Variants in SCHIP1 observed in about 807,000 individuals in gnomAD.
The protein encoded by SCHIP1 is schwannomin-interacting protein 1.
Under a neutral mutation model 29.7 loss-of-function variants are expected in SCHIP1, and 8 were observed. That is an observed-to-expected ratio of 0.27 (90% confidence interval 0.16 to 0.49). SCHIP1 has a LOEUF of 0.49. Among genes scored for constraint, SCHIP1 ranks in the 20% least tolerant of loss-of-function variants. The pLI, the probability that SCHIP1 is intolerant of heterozygous loss-of-function variation, is 0.99. For synonymous variants in SCHIP1, 76 were observed against 94.9 expected (o/e 0.80, Z 1.16); for missense variants, 193 against 294.6 (o/e 0.66, Z 2.52).
At chr3:159,660,047 C>G in the SCHIP1 span, among the ~76,000 whole-genome samples, 1 of 152,130 alleles carries the variant, frequency 6.6e-6, no homozygotes, top group Non-Finnish European at 1.5e-5. Flanking sequence ...CCTTCTGACT[C>G]TGGCAGCTGC....
chr3:159,463,510 G>A, the SCHIP1 span, among the ~76,000 whole-genome samples: 1 of 152,000 alleles, frequency 6.6e-6, no homozygotes, highest in African/African-American at 2.4e-5. Flanking sequence ...GTGTTCCCAG[G>A]GTCATACCAC....
At chr3:159,457,396 G>GTT in the SCHIP1 span, among the ~76,000 whole-genome samples, 295 of 144,954 alleles carry the variant, frequency 2.0e-3, 1 homozygote, top group African/African-American at 3.5e-3. Flanking sequence ...TGCTGTTTCT[G>GTT]TTTTTTTTTT....
the SCHIP1 span, among the ~76,000 whole-genome samples, chr3:159,296,048 C>A: frequency 2.0e-5 from 3 of 151,838 alleles, no homozygotes; most frequent in Non-Finnish European, 2.9e-5. Flanking sequence ...TGCCTCAAAC[C>A]TTAATTTCCA....
the SCHIP1 span, among the ~76,000 whole-genome samples, chr3:159,577,758 A>G: frequency 2.6e-5 from 4 of 152,184 alleles, no homozygotes; most frequent in Non-Finnish European, 5.9e-5. Context: ...TTTGCAGGTG[A>G]TTATAGCAGT....
At chr3:159,827,545 C>T in the SCHIP1 span, among the ~76,000 whole-genome samples, 2 of 152,086 alleles carry the variant, frequency 1.3e-5, no homozygotes, top group Non-Finnish European at 2.9e-5. Context: ...AAAATAGAAG[C>T]CTGTAATCCC....
At chr3:159,586,803 A>C in the SCHIP1 span, among the ~76,000 whole-genome samples, 1 of 152,176 alleles carries the variant, frequency 6.6e-6, no homozygotes, top group African/African-American at 2.4e-5. Context: ...AAGTCCTTCC[A>C]TCACAGATTC....
the SCHIP1 span, among the ~76,000 whole-genome samples, chr3:159,495,880 A>G: frequency 2.0e-4 from 31 of 152,354 alleles, no homozygotes; most frequent in African/African-American, 6.7e-4. Flanking sequence ...TAACCAAACC[A>G]GCATGGTACA....
At chr3:159,756,495 C>A in the SCHIP1 span, among the ~76,000 whole-genome samples, 7 of 152,154 alleles carry the variant, frequency 4.6e-5, no homozygotes, top group African/African-American at 1.2e-4. Context: ...ACTTTTACCC[C>A]CTAGGCTTGC....
At chr3:159,710,629 T>C in the SCHIP1 span, among the ~76,000 whole-genome samples, 1 of 152,218 alleles carries the variant, frequency 6.6e-6, no homozygotes, top group Non-Finnish European at 1.5e-5. Flanking sequence ...ATACATGTAC[T>C]AAGACATCAT....
intron 2 of SCHIP1, among the ~76,000 whole-genome samples, chr3:159,868,569 C>T (rs1244939431): frequency 6.6e-6 from 1 of 152,096 alleles, no homozygotes; most frequent in East Asian, 1.9e-4. Flanking sequence ...CACTGAACCA[C>T]GTAGTAAACT....
At chr3:159,595,458 GGA>G in the SCHIP1 span, among the ~76,000 whole-genome samples, 1 of 152,136 alleles carries the variant, frequency 6.6e-6, no homozygotes, top group African/African-American at 2.4e-5. Flanking sequence ...ATATAAAAGA[GGA>G]GACCCAAGAA....
the SCHIP1 span, among the ~76,000 whole-genome samples, chr3:159,691,090 T>C: frequency 6.6e-6 from 1 of 152,238 alleles, no homozygotes; most frequent in Non-Finnish European, 1.5e-5. Context: ...TGGAGAGTTC[T>C]ATAGATGTCT....
the SCHIP1 span, among the ~76,000 whole-genome samples, chr3:159,554,016 GTGTT>G: frequency 1.6e-3 from 154 of 93,700 alleles, no homozygotes; most frequent in African/African-American, 5.5e-3. Flanking sequence ...GTGTGTGTGT[GTGTT>G]TGTGTATGTG....
chr3:159,653,088 T>A, the SCHIP1 span, among the ~76,000 whole-genome samples: 1 of 152,074 alleles, frequency 6.6e-6, no homozygotes, highest in Non-Finnish European at 1.5e-5. Context: ...GATCTACTGT[T>A]TGGATGCTGG....
the SCHIP1 span, among the ~76,000 whole-genome samples, chr3:159,540,763 T>C: frequency 1.3e-5 from 2 of 152,094 alleles, no homozygotes; most frequent in African/African-American, 4.8e-5. Flanking sequence ...TGGGTAAACA[T>C]TTACGTTTTA....
chr3:159,550,952 A>AC, the SCHIP1 span, among the ~76,000 whole-genome samples: 4 of 152,138 alleles, frequency 2.6e-5, no homozygotes, highest in Non-Finnish European at 4.4e-5. Flanking sequence ...ATTTTATTTC[A>AC]TAAATTTATT....
At chr3:159,543,325 C>T in the SCHIP1 span, among the ~76,000 whole-genome samples, 1 of 147,130 alleles carries the variant, frequency 6.8e-6, no homozygotes, top group Non-Finnish European at 1.5e-5. Context: ...CGTCATTTAG[C>T]ATTAGGTATA....
At chr3:159,312,366 T>A in the SCHIP1 span, among the ~76,000 whole-genome samples, 1 of 152,148 alleles carries the variant, frequency 6.6e-6, no homozygotes, top group East Asian at 1.9e-4. Context: ...GGTTCCCTTC[T>A]TTTGAACTTG....
intron 1 of SCHIP1, among the ~76,000 whole-genome samples, chr3:159,847,946 A>G (rs1168727617): frequency 6.6e-6 from 1 of 152,206 alleles, no homozygotes; most frequent in African/African-American, 2.4e-5. Context: ...TGGAATATGG[A>G]TGTTAAGGCC....
Sources: allele counts gnomAD v4.1 joint callset (sites outside exome capture counted in the v4.1 genomes callset), GRCh38; gene constraint gnomAD v4.1.1; transcripts MANE v1.5; gene names NCBI Gene and HGNC (gene_info 2026-07-23, HGNC 2026-07-21).